The following MARK4 variants were observed in gnomAD, a reference collection of about 807,000 sequenced individuals.
MARK4 encodes the protein MAP/microtubule affinity-regulating kinase 4.
A neutral mutation model predicts 81.5 loss-of-function variants in MARK4; 19 were observed. That is an observed-to-expected ratio of 0.23 (90% CI 0.16 to 0.34). MARK4 has a LOEUF of 0.34. Among genes scored for constraint, MARK4 ranks in the 10% least tolerant of loss-of-function variants. The probability of loss-of-function intolerance (pLI) is 1.00; values close to 1 mark genes in which losing one functional copy is unlikely to be tolerated. For synonymous variants in MARK4, 436 were observed against 439.0 expected (o/e 0.99, Z 0.08); for missense variants, 772 against 1,058.8 (o/e 0.73, Z 3.76).
rs187442907 is a variant in MARK4 at position 45,252,930 on chromosome 19, G to A, written c.51+1291G>A. Among the ~76,000 whole-genome samples the A allele has an allele frequency of 5.4e-4, 82 of 151,954 alleles. 1 individual carries two copies. In the East Asian group the frequency reaches 0.011, roughly 20 times the overall value. On this transcript the variant is annotated intron_variant, in intron 1 of 16. Transcript: ENST00000262891. Reference sequence around the variant, plus strand: ...TCCTAGGAGCTTCCCCAAGACCCAGGGATTCCTGGCCTCTGACTTCCACTG... The same window carrying A: ...TCCTAGGAGCTTCCCCAAGACCCAGAGATTCCTGGCCTCTGACTTCCACTG...
Position 45,280,311 on chromosome 19 carries a change from G to A in MARK4, c.1007-63G>A, listed in dbSNP as rs913106532. The A allele has an allele frequency of 1.5e-5, 22 of 1,444,632 alleles. No individual in the cohort carries two copies. In the Middle Eastern group the frequency reaches 7.8e-4, roughly 51 times the overall value. The allele number at this position is 1,444,632 out of a possible 1,614,324, so 89.5% of individuals were successfully genotyped here. A position where few individuals can be genotyped will look rare whatever the true frequency, so the allele number is the denominator to read the frequency against. On this transcript the variant is annotated intron_variant, in intron 10 of 16. Transcript: ENST00000262891. ...AGTGACACCCTGTCTCAAAAAAAAA[G>A]AGAAATGGATGGAAGTTAAAGTTTC... is the stretch of plus-strand genomic sequence containing the variant.
intron 10 of MARK4, among the ~76,000 whole-genome samples, chr19:45,279,620 A>G (rs1970645757): frequency 6.6e-6 from 1 of 152,212 alleles, no homozygotes; most frequent in South Asian, 2.1e-4. Context: ...AAGTTGAACC[A>G]TATGAAATTG....
Position 45,251,420 on chromosome 19 carries a change from T to A in MARK4, c.-169T>A. 4.2e-6 allele frequency: 1 copy of A among 237,200 alleles called. No homozygotes were observed. The highest frequency in any genetic ancestry group is 7.6e-6 in the Non-Finnish European group (1 of 130,772). The allele number at this position is 237,200 out of a possible 1,614,324, so 14.7% of individuals were successfully genotyped here. A position where few individuals can be genotyped will look rare whatever the true frequency, so the allele number is the denominator to read the frequency against. On this transcript the variant is annotated 5_prime_UTR_variant, in exon 1 of 17. Coordinates refer to ENST00000262891, the MANE Select transcript of MARK4 (RefSeq NM_001199867.2). ...GGGCCACTAGGACCCTCGGCGTCCCTTCCCCTCCCCCGCCCTGCCCCCTCT... is the reference window on the plus strand; with the variant it reads ...GGGCCACTAGGACCCTCGGCGTCCCATCCCCTCCCCCGCCCTGCCCCCTCT...
At chr19:45,300,611 G>A (rs1451537541) in intron 16 of MARK4, among the ~76,000 whole-genome samples, 1 of 152,138 alleles carries the variant, frequency 6.6e-6, no homozygotes, top group East Asian at 1.9e-4. Context: ...AATGGGTATG[G>A]CAGTGTTCCA....
At chr19:45,287,126 C>T (rs1818680039) in intron 12 of MARK4, among the ~76,000 whole-genome samples, 1 of 151,178 alleles carries the variant, frequency 6.6e-6, no homozygotes, top group Admixed American at 6.6e-5. Context: ...ATTGCTTGAA[C>T]CCAGGAGGTG....
intron 12 of MARK4, among the ~76,000 whole-genome samples, chr19:45,286,851 A>G (rs1368590260): frequency 1.3e-5 from 2 of 152,186 alleles, no homozygotes; most frequent in African/African-American, 4.8e-5. Flanking sequence ...TTGCTTTTGT[A>G]GACAAATGAT....
At chr19:45,289,453 C>T (rs1183963765) in intron 13 of MARK4, among the ~76,000 whole-genome samples, 1 of 150,522 alleles carries the variant, frequency 6.6e-6, no homozygotes, top group East Asian at 2.0e-4. Flanking sequence ...TATAGTTATC[C>T]TTTACCATAA....
chr19:45,282,897 T>C (rs556536061), intron 12 of MARK4, among the ~76,000 whole-genome samples: 9 of 150,856 alleles, frequency 6.0e-5, no homozygotes, highest in African/African-American at 1.7e-4. Context: ...GAGGCTGAGG[T>C]AGGAAGACCA....
At chr19:45,263,970 C>A (rs940228381) in intron 4 of MARK4, among the ~76,000 whole-genome samples, 3 of 152,188 alleles carry the variant, frequency 2.0e-5, no homozygotes, top group Non-Finnish European at 4.4e-5. Flanking sequence ...TTTCCACCAG[C>A]ATCAACATCC....
At chr19:45,294,521 C>A in intron 14 of MARK4, 69 bp downstream of exon 14, 2 of 1,352,308 alleles carry the variant, frequency 1.5e-6, no homozygotes, top group Non-Finnish European at 2.1e-6. Context: ...CTCCCTTGAT[C>A]TGAGATGATA....
chr19:45,292,517 ATTG>A (rs1970832884), intron 13 of MARK4, among the ~76,000 whole-genome samples: 1 of 152,184 alleles, frequency 6.6e-6, no homozygotes, highest in Non-Finnish European at 1.5e-5. Context: ...AATGAGAGCT[ATTG>A]TTATTGCTAA....
intron 13 of MARK4, among the ~76,000 whole-genome samples, chr19:45,292,142 G>A (rs190673696): frequency 1.3e-5 from 2 of 152,246 alleles, no homozygotes; most frequent in Admixed American, 1.3e-4. Context: ...ATAGGAACAG[G>A]AGAGTGGAGG....
At chr19:45,263,741 CAAAAAAAAAA>C (rs1294501274) in intron 4 of MARK4, among the ~76,000 whole-genome samples, 1 of 78,564 alleles carries the variant, frequency 1.3e-5, no homozygotes, top group Non-Finnish European at 2.6e-5. Flanking sequence ...GACTTCATCT[CAAAAAAAAAA>C]AAAAAAGAAA....
At chr19:45,280,514 C>T (rs766294493) in intron 11 of MARK4, 31 bp downstream of exon 11, 13 of 1,613,786 alleles carry the variant, frequency 8.1e-6, no homozygotes, top group African/African-American at 4.0e-5. Flanking sequence ...CTTGGGGACG[C>T]GTGATGCCTG....
chr19:45,294,334 CTG>C lies in MARK4; in HGVS notation c.1495-11_1495-10del. Reference sequence around the variant, plus strand: ...CTTCACCCCCTCACTCCCTTCCTGGCTGTGTCTCCTGCAGAACAACCTCCCTC... The same window carrying C: ...CTTCACCCCCTCACTCCCTTCCTGGCTGTCTCCTGCAGAACAACCTCCCTC... On this transcript the variant is annotated splice_polypyrimidine_tract_variant and intron_variant, in intron 13 of 16. Transcript: ENST00000262891. 1 of 1,612,782 alleles carries C rather than the reference CTG, an allele frequency of 6.2e-7. No homozygotes were observed. Among genetic ancestry groups the C allele is most frequent in the Non-Finnish European group, 8.5e-7 (1 of 1,178,884 alleles).
At chr19:45,293,020 C>T (rs1251670359) in intron 13 of MARK4, among the ~76,000 whole-genome samples, 2 of 152,180 alleles carry the variant, frequency 1.3e-5, no homozygotes, top group Non-Finnish European at 2.9e-5. Flanking sequence ...GTAATCCCAG[C>T]ACTTTGGGAG....
intron 7 of MARK4, among the ~76,000 whole-genome samples, chr19:45,270,731 C>A (rs1195209227): frequency 6.6e-6 from 1 of 152,140 alleles, no homozygotes; most frequent in African/African-American, 2.4e-5. Context: ...TCCTGAGTAC[C>A]TGGGACTACT....
intron 3 of MARK4, 42 bp from the exon 4 acceptor site, chr19:45,263,277 C>G: frequency 6.2e-7 from 1 of 1,614,128 alleles, no homozygotes; most frequent in South Asian, 1.1e-5. Flanking sequence ...CCCAAGCCAC[C>G]CACCCTCACT....
intron 12 of MARK4, among the ~76,000 whole-genome samples, chr19:45,283,457 C>A (rs992922515): frequency 2.6e-5 from 4 of 151,138 alleles, no homozygotes; most frequent in Non-Finnish European, 5.9e-5. Context: ...ATCCCCCTTC[C>A]ACCCTCAGCT....
Sources: allele counts gnomAD v4.1 joint callset (sites outside exome capture counted in the v4.1 genomes callset), GRCh38; gene constraint gnomAD v4.1.1; transcripts MANE v1.5; gene names NCBI Gene and HGNC (gene_info 2026-07-23, HGNC 2026-07-21).